MYOM1: variants seen among roughly 807,000 people sequenced by gnomAD.
MYOM1 encodes the protein myomesin 1.
A neutral mutation model predicts 205.3 loss-of-function variants in MYOM1; 164 were observed. The observed-to-expected ratio is 0.80, with a 90% CI of 0.70 to 0.91. The LOEUF is 0.91. Ranked by LOEUF, MYOM1 falls within the 40% of genes least tolerant of loss-of-function variation. The pLI, the probability that MYOM1 is intolerant of heterozygous loss-of-function variation, is 0.00. For synonymous variants in MYOM1, 772 were observed against 789.4 expected (o/e 0.98, Z 0.37); for missense variants, 2,011 against 2,127.3 (o/e 0.95, Z 1.08).
chr18:3,167,397 G>A (rs955004975), intron 9 of MYOM1, among the ~76,000 whole-genome samples: 1 of 152,074 alleles, frequency 6.6e-6, no homozygotes, highest in South Asian at 2.1e-4. Context: ...GTTTTGTTTT[G>A]TTTTGAGATG....
chr18:3,149,184 A>G lies in MYOM1; in HGVS notation c.1861T>C (p.Trp621Arg), dbSNP rs1446451391. 47 of 1,612,422 alleles carry G rather than the reference A, an allele frequency of 2.9e-5. No homozygotes were observed. The highest frequency in any genetic ancestry group is 3.8e-5 in the Non-Finnish European group (45 of 1,179,398). The change falls in exon 13 of 38, where the codon TGG (tryptophan) becomes CGG (arginine). Residue 621 changes from tryptophan to arginine, a missense_variant. Physicochemically the swap from Trp to Arg is moderately radical, Grantham distance 101 (BLOSUM62 -3). Coordinates refer to ENST00000356443, the MANE Select transcript of MYOM1 (RefSeq NM_003803.4). ...ARLKSRPSAP[W>R]TGQIIVTEEE... ...TCAGTAACAATGATCTGTCCAGTCC[A>G]GGGTGCTGAGGGGCGACCTGAATAA...
In MYOM1 at chr18:3,067,075, TG is replaced by T. The variant is rs1567885934; in HGVS notation, c.*186del. ...ATGGTATTTTCTTAACACATAATTT[TG>T]TAGATAAAGAAAAACAATTAAAGTG... is the stretch of plus-strand genomic sequence containing the variant. On this transcript the variant is annotated 3_prime_UTR_variant, in exon 38 of 38. Coordinates refer to ENST00000356443, the MANE Select transcript of MYOM1 (RefSeq NM_003803.4). 3 of 626,964 alleles carry T rather than the reference TG, an allele frequency of 4.8e-6. No individual in the cohort carries two copies. The highest frequency in any genetic ancestry group is 8.1e-6 in the Non-Finnish European group (3 of 368,774). The allele number at this position is 626,964 out of a possible 1,614,324, so 38.8% of individuals were successfully genotyped here. A position where few individuals can be genotyped will look rare whatever the true frequency, so the allele number is the denominator to read the frequency against.
chr18:3,170,164 TAAA>T (rs2080535859), intron 8 of MYOM1, among the ~76,000 whole-genome samples: 1 of 151,984 alleles, frequency 6.6e-6, no homozygotes, highest in Admixed American at 6.6e-5. Context: ...CAAGGGGAAA[TAAA>T]GAAGGGTTAG....
rs911729420 is a variant in MYOM1, at chr18:3,209,132, A to T, written c.290+5802T>A. ...CATTTCTTTGACACGATGTAGAGGGAATCTGGGAAAATGGGGAACAAGTGA... is the reference window on the plus strand; with the variant it reads ...CATTTCTTTGACACGATGTAGAGGGTATCTGGGAAAATGGGGAACAAGTGA... On this transcript the variant is annotated intron_variant, in intron 2 of 37. Transcript: ENST00000356443. This position sits in a 1 kb window ranked among gnomAD's most constrained non-coding sequence, Gnocchi z 4.0. 3.3e-5 allele frequency among the ~76,000 whole-genome samples: 5 copies of T among 152,174 alleles called. No homozygotes were observed. Among genetic ancestry groups the T allele is most frequent in the African/African-American group, 1.2e-4 (5 of 41,436 alleles).
At chr18:3,109,653 T>A (rs142454054) in intron 22 of MYOM1, among the ~76,000 whole-genome samples, 107 of 152,360 alleles carry the variant, frequency 7.0e-4, no homozygotes, top group African/African-American at 2.5e-3. Context: ...GAGAGAGTTG[T>A]TGTCGTTGTT....
At chr18:3,210,267 T>C (rs1000600363) in intron 2 of MYOM1, among the ~76,000 whole-genome samples, 1 of 152,254 alleles carries the variant, frequency 6.6e-6, no homozygotes, top group Non-Finnish European at 1.5e-5. Context: ...TGGTCGTCTC[T>C]ATTTTTAGCA....
chr18:3,163,229 T>C (rs1050228043), intron 10 of MYOM1, among the ~76,000 whole-genome samples: 1 of 152,146 alleles, frequency 6.6e-6, no homozygotes, highest in Non-Finnish European at 1.5e-5. Context: ...CATTAAAGAC[T>C]TACACCCAAA....
chr18:3,134,626 G>T, intron 16 of MYOM1, 24 bp downstream of exon 16: 1 of 1,592,460 alleles, frequency 6.3e-7, no homozygotes, highest in Admixed American at 1.7e-5. Flanking sequence ...GCCATTGCCC[G>T]CCCTGCACAC....
At chr18:3,074,387 G>A (rs185197453) in intron 36 of MYOM1, among the ~76,000 whole-genome samples, 2 of 152,302 alleles carry the variant, frequency 1.3e-5, no homozygotes, top group East Asian at 3.9e-4. Context: ...GGGGAAGGAT[G>A]ACTTCCCTTC....
chr18:3,145,067 G>A (rs2080105640), intron 13 of MYOM1, among the ~76,000 whole-genome samples: 1 of 152,176 alleles, frequency 6.6e-6, no homozygotes, highest in African/African-American at 2.4e-5. Context: ...CCAGCACTTT[G>A]GGAGGCTGAG....
In MYOM1 at chr18:3,145,077, G is replaced by A. The variant is rs368594260; in HGVS notation, c.1901-3014C>T. ...TAATCCCAGCACTTTGGGAGGCTGA[G>A]GCAGGCAGGTAACCTGAGGTCAGGA... On this transcript the variant is annotated intron_variant, in intron 13 of 37. Coordinates refer to ENST00000356443, the MANE Select transcript of MYOM1 (RefSeq NM_003803.4). Among the ~76,000 whole-genome samples, 9 of 152,284 alleles carry A rather than the reference G, an allele frequency of 5.9e-5. No individual in the cohort carries two copies. The East Asian group carries it at 1.5e-3, about 26-fold the overall frequency.
Position 3,191,940 on chromosome 18 carries a change from C to T in MYOM1, c.431+1878G>A, listed in dbSNP as rs527469609. ...CTCAATCTCCTGACATTGTGATCTG[C>T]CCGCCTCAGCCTCCCAAAGTGCTGG... On this transcript the variant is annotated intron_variant, in intron 3 of 37. Coordinates refer to ENST00000356443, the MANE Select transcript of MYOM1 (RefSeq NM_003803.4). Among the ~76,000 whole-genome samples the T allele has an allele frequency of 1.2e-4, 19 of 152,258 alleles. No homozygotes were observed. The South Asian group carries it at 3.7e-3, about 30-fold the overall frequency.
At chr18:3,147,949 C>T (rs531741401) in intron 13 of MYOM1, among the ~76,000 whole-genome samples, 7 of 152,170 alleles carry the variant, frequency 4.6e-5, no homozygotes, top group African/African-American at 1.7e-4. Context: ...GACAAAGATG[C>T]CCAATGTCAC....
chr18:3,221,720 T>A (rs1326516711), upstream of MYOM1, among the ~76,000 whole-genome samples: 4 of 152,226 alleles, frequency 2.6e-5, no homozygotes, highest in East Asian at 7.7e-4. Flanking sequence ...TCTGAGCTAC[T>A]CAAAGTATGT....
intron 1 of MYOM1, among the ~76,000 whole-genome samples, chr18:3,215,571 A>G (rs757582033): frequency 4.6e-5 from 7 of 152,134 alleles, no homozygotes; most frequent in Non-Finnish European, 1.0e-4. Flanking sequence ...CATTGCACTC[A>G]GCTTGGGTGA....
chr18:3,230,772 G>A, the MYOM1 span, among the ~76,000 whole-genome samples: 6 of 152,294 alleles, frequency 3.9e-5, no homozygotes, highest in Non-Finnish European at 8.8e-5. Context: ...TACTTGGGCC[G>A]CTCCCACCAT....
At chr18:3,145,934 C>T (rs2143960426) in intron 13 of MYOM1, among the ~76,000 whole-genome samples, 1 of 152,048 alleles carries the variant, frequency 6.6e-6, no homozygotes, top group East Asian at 1.9e-4. Flanking sequence ...AGAGAGGTGA[C>T]ACCACTACAG....
At position 3,126,750 on chromosome 18, in the gene MYOM1, C is replaced by T. The variant is rs1598700116; in HGVS notation, c.2942G>A (p.Gly981Glu). The T allele has an allele frequency of 1.2e-6, 2 of 1,613,838 alleles. No homozygotes were observed. The highest frequency in any genetic ancestry group is 1.7e-6 in the Non-Finnish European group (2 of 1,179,834). ...NYREVIDGVP[G>E]KWREANVKAV... ...CTTGACATTGGCTTCTCTCCATTTT[C>T]CTGGTACCCCATCAATGACCTCGCG... The change falls in exon 19 of 38, where the codon GGA (glycine) becomes GAA (glutamate). Residue 981 changes from glycine (G) to glutamate (E), a missense_variant. Physicochemically the swap from Gly to Glu is moderately conservative, Grantham distance 98. Coordinates refer to ENST00000356443, the MANE Select transcript of MYOM1 (RefSeq NM_003803.4).
chr18:3,126,514 T>C (rs796303467), intron 19 of MYOM1, among the ~76,000 whole-genome samples, 187 bp downstream of exon 19: 3 of 152,302 alleles, frequency 2.0e-5, no homozygotes, highest in African/African-American at 7.2e-5. Context: ...ATATAAATCC[T>C]GCCTGGTTAG....
Sources: allele counts gnomAD v4.1 joint callset (sites outside exome capture counted in the v4.1 genomes callset), GRCh38; gene constraint gnomAD v4.1.1; non-coding constraint Gnocchi (gnomAD v3.1); transcripts MANE v1.5; gene names NCBI Gene and HGNC (gene_info 2026-07-23, HGNC 2026-07-21).